The following BPIFC variants were observed in gnomAD, a reference collection of about 807,000 sequenced individuals.
The protein encoded by BPIFC is BPI fold containing family C.
In BPIFC, 60 loss-of-function variants were observed where a neutral mutation model predicts 57.6. The ratio of observed to expected loss-of-function variants is 1.04; its 90% CI spans 0.85 to 1.29. The LOEUF is 1.29. Among genes scored for constraint, BPIFC ranks in the 50% most tolerant of loss-of-function variants. The pLI, the probability that BPIFC is intolerant of heterozygous loss-of-function variation, is 0.00. For synonymous variants in BPIFC, 243 were observed against 224.5 expected, an observed-to-expected ratio of 1.08 and a Z score of -0.74; for missense variants, 581 against 600.5, an observed-to-expected ratio of 0.97 and a Z score of 0.34.
At position 32,426,537 on chromosome 22, in the gene BPIFC, A is replaced by G. The variant is rs144511387; in HGVS notation, c.1217+4810T>C. Among the ~76,000 whole-genome samples the G allele has an allele frequency of 2.1e-4, 32 of 152,324 alleles. No individual in the cohort carries two copies. The East Asian group carries it at 6.0e-3, about 28-fold the overall frequency. On this transcript the variant is annotated intron_variant, in intron 13 of 16. Coordinates refer to ENST00000300399, the MANE Select transcript of BPIFC (RefSeq NM_174932.3). ...GGTTTGCTATAACACCCCATGCAGG[A>G]GACACCCTCACTTGTGCTTAGAAGC...
intron 8 of BPIFC, among the ~76,000 whole-genome samples, chr22:32,438,620 G>T (rs1474797932): frequency 6.6e-6 from 1 of 152,122 alleles, no homozygotes; most frequent in Non-Finnish European, 1.5e-5. Flanking sequence ...TCGAACTCCT[G>T]ACCTCAAGTC....
At chr22:32,441,226 C>T (rs1934557073) in intron 8 of BPIFC, among the ~76,000 whole-genome samples, 1 of 152,136 alleles carries the variant, frequency 6.6e-6, no homozygotes, top group Admixed American at 6.5e-5. Context: ...CTTTCTACTC[C>T]CTTTGGGTTT....
chr22:32,464,379 G>A lies in BPIFC; in HGVS notation c.-94C>T. Reference sequence around the variant, plus strand: ...AGTTTGTTCATGAGTCTTACCTCAAGCAGAGGAAGTGTCCAAAGCTGGAGA... The same window carrying A: ...AGTTTGTTCATGAGTCTTACCTCAAACAGAGGAAGTGTCCAAAGCTGGAGA... On this transcript the variant is annotated 5_prime_UTR_variant, in exon 1 of 17. Transcript: ENST00000300399. 5.1e-6 allele frequency: 5 copies of A among 985,178 alleles called. No homozygotes were observed. The highest frequency in any genetic ancestry group is 6.0e-6 in the Non-Finnish European group (5 of 829,778). 61.0% of individuals were successfully genotyped at this position (985,178 alleles called of 1,614,324 possible).
In BPIFC at chr22:32,456,089, C is replaced by T. The variant is rs563964731; in HGVS notation, c.124+1174G>A. Reference sequence around the variant, plus strand: ...TGACATTTACAGCCATGTGGATAGACTTCAGATCTGTTCTTTTAATGACTC... The same window carrying T: ...TGACATTTACAGCCATGTGGATAGATTTCAGATCTGTTCTTTTAATGACTC... On this transcript the variant is annotated intron_variant, in intron 3 of 16. Transcript: ENST00000300399. Among the ~76,000 whole-genome samples the T allele has an allele frequency of 2.0e-5, 3 of 152,342 alleles. No individual in the cohort carries two copies. The East Asian group carries it at 5.8e-4, about 29-fold the overall frequency.
In BPIFC at chr22:32,428,274, C is replaced by T. The variant is rs56273962; in HGVS notation, c.1217+3073G>A. Among the ~76,000 whole-genome samples, 417 of 144,630 alleles carry T rather than the reference C, an allele frequency of 2.9e-3. 1 individual carries two copies. The highest frequency in any genetic ancestry group is 0.011 in the Middle Eastern group (3 of 284). 94.9% of individuals were successfully genotyped at this position (144,630 alleles called of 152,430 possible). ...ACGTGTGTGTGTGTGTGTGTGCGCG[C>T]GCGTGTGTGTGTGTGTGTGTGCTTT... On this transcript the variant is annotated intron_variant, in intron 13 of 16. Coordinates refer to ENST00000300399, the MANE Select transcript of BPIFC (RefSeq NM_174932.3).
At chr22:32,442,311 C>T (rs1568952608) in intron 8 of BPIFC, among the ~76,000 whole-genome samples, 2 of 152,140 alleles carry the variant, frequency 1.3e-5, no homozygotes, top group South Asian at 4.1e-4. Flanking sequence ...ATGCTCAGGG[C>T]AGCCACTGCA....
intron 13 of BPIFC, among the ~76,000 whole-genome samples, chr22:32,424,196 C>T (rs891846978): frequency 2.0e-5 from 3 of 152,192 alleles, no homozygotes; most frequent in East Asian, 1.9e-4. Context: ...TGATACTTAA[C>T]GAGGTTAAGT....
At position 32,445,846 on chromosome 22, in the gene BPIFC, T is replaced by C; in HGVS notation, c.525A>G (p.Glu175=). Residue 175 remains glutamate (E), a synonymous_variant, in exon 6 of 17, where the codon GAA becomes GAG. Transcript: ENST00000300399. ...LSHAHVSFSG[E]LSVLYNSFAE... is the part of the protein sequence containing the mutation. ...AACCCAGGGCTCTCATTCACCTGAG[T>C]TCTCCGGAAAATGAGACGTGGGCAT... 2 of 1,613,950 alleles carry C rather than the reference T, an allele frequency of 1.2e-6. No homozygotes were observed. The highest frequency in any genetic ancestry group is 2.2e-5 in the East Asian group (1 of 44,872).
chr22:32,432,315 T>G (rs1386370077), intron 12 of BPIFC, 58 bp downstream of exon 12: 1 of 1,577,386 alleles, frequency 6.3e-7, no homozygotes, highest in Non-Finnish European at 8.7e-7. Context: ...TGGCCAACAG[T>G]CCACAGCAGG....
rs1427402972 is a variant in BPIFC at position 32,415,454 on chromosome 22, C to G, written c.1401+461G>C. On this transcript the variant is annotated intron_variant, in intron 16 of 16. Transcript: ENST00000300399. ...CATAATGATGAGCCGGAAAACGATTCGATCCCTGAACTCAAAGGTGTGTGC... is the reference window on the plus strand; with the variant it reads ...CATAATGATGAGCCGGAAAACGATTGGATCCCTGAACTCAAAGGTGTGTGC... Among the ~76,000 whole-genome samples, 4 of 152,166 alleles carry G rather than the reference C, an allele frequency of 2.6e-5. No individual in the cohort carries two copies. In the South Asian group the frequency reaches 8.3e-4, roughly 32 times the overall value.
chr22:32,429,509 GTTTTTTTTTTTTTTTTTT>G (rs780948561), intron 13 of BPIFC, among the ~76,000 whole-genome samples: 2 of 56,622 alleles, frequency 3.5e-5, no homozygotes, highest in Non-Finnish European at 3.3e-5. Context: ...ACTGGCCTTT[GTTTTTTTTTTTTTTTTTT>G]TTTTTTTTTC....
rs117157746 is a variant in BPIFC at position 32,457,631 on chromosome 22, A to G, written c.1-245T>C. On this transcript the variant is annotated intron_variant, in intron 2 of 16. Coordinates refer to ENST00000300399, the MANE Select transcript of BPIFC (RefSeq NM_174932.3). ...CTCCCACCCATCCATCCATTCATTC[A>G]GCAATCATTTATTGAACACACCAGC... is the stretch of plus-strand genomic sequence containing the variant. Among the ~76,000 whole-genome samples, 171 of 152,100 alleles carry G rather than the reference A, an allele frequency of 1.1e-3. 1 individual carries two copies. In the East Asian group the frequency reaches 0.03, roughly 26 times the overall value.
At chr22:32,442,785 G>C in intron 7 of BPIFC, 54 bp from the exon 8 acceptor site, 12 of 1,549,844 alleles carry the variant, frequency 7.7e-6, no homozygotes, top group Non-Finnish European at 8.9e-6. Flanking sequence ...GTACTGGAAA[G>C]CCTTATTGAT....
intron 8 of BPIFC, among the ~76,000 whole-genome samples, chr22:32,439,586 T>C (rs1160290630): frequency 1.3e-5 from 2 of 151,578 alleles, no homozygotes; most frequent in Admixed American, 6.6e-5. Flanking sequence ...AATAATATTA[T>C]CCTAAGCCAC....
intron 13 of BPIFC, among the ~76,000 whole-genome samples, chr22:32,424,687 T>C (rs1286408563): frequency 5.1e-5 from 4 of 77,706 alleles, no homozygotes; most frequent in South Asian, 4.3e-4. Flanking sequence ...CTTCTTCTTC[T>C]TCTTCCTCTT....
intron 10 of BPIFC, among the ~76,000 whole-genome samples, chr22:32,434,207 A>G (rs1397429520): frequency 8.8e-5 from 13 of 147,204 alleles, no homozygotes; most frequent in East Asian, 3.9e-4. Flanking sequence ...ATTTATGTAT[A>G]TTACAATCTA....
chr22:32,439,708 G>A (rs768565232), intron 8 of BPIFC, among the ~76,000 whole-genome samples: 7 of 151,876 alleles, frequency 4.6e-5, no homozygotes, highest in South Asian at 2.1e-4. Flanking sequence ...TCTGTCTCTC[G>A]GGTTCAAGTG....
chr22:32,448,946 A>T (rs1320629932), intron 4 of BPIFC, among the ~76,000 whole-genome samples: 1 of 152,174 alleles, frequency 6.6e-6, no homozygotes, highest in Non-Finnish European at 1.5e-5. Context: ...CAAAAAAAAA[A>T]AAAGAAATTA....
At chr22:32,427,781 G>A (rs1040616250) in intron 13 of BPIFC, among the ~76,000 whole-genome samples, 2 of 152,144 alleles carry the variant, frequency 1.3e-5, no homozygotes, top group African/African-American at 4.8e-5. Flanking sequence ...GAGGTCAAAA[G>A]ATCAAGACCA....
Sources: gnomAD v4.1 joint callset for allele counts (sites outside exome capture counted in the v4.1 genomes callset) on GRCh38, gnomAD v4.1.1 for gene constraint, MANE v1.5 for transcripts, NCBI Gene and HGNC (gene_info 2026-07-23, HGNC 2026-07-21) for gene names.